The following GIGYF1 variants were observed in gnomAD, a reference collection of about 807,000 sequenced individuals.
GIGYF1 encodes GRB10-interacting GYF protein 1.
A neutral mutation model predicts 147.1 loss-of-function variants in GIGYF1; 84 were observed. The ratio of observed to expected loss-of-function variants is 0.57; its 90% CI spans 0.48 to 0.68. GIGYF1 has a LOEUF of 0.68. Ranked by LOEUF, GIGYF1 falls within the 30% of genes least tolerant of loss-of-function variation. The pLI is 0.00. For synonymous variants in GIGYF1, 752 were observed against 589.5 expected, an observed-to-expected ratio of 1.28 and a Z score of -3.99; for missense variants, 1,485 against 1,393.7, an observed-to-expected ratio of 1.07 and a Z score of -1.04.
chr7:100,690,937 G>A (rs1334702593), intron 1 of GIGYF1, among the ~76,000 whole-genome samples: 2 of 152,088 alleles, frequency 1.3e-5, no homozygotes, highest in Non-Finnish European at 1.5e-5. Flanking sequence ...GGTTCATGCA[G>A]ACTGAGGACA....
rs1304797025 is a variant in GIGYF1 at position 100,684,258 on chromosome 7, T to C, written c.1709A>G (p.Gln570Arg). ...AALYQQLQHQ[Q>R]FLQLVSSRQL... Reference sequence around the variant, plus strand: ...ATACCTGCTGACCAGCTGGAGAAACTGCTGGTGCTGCAGCTGCTGGTACAA... The same window carrying C: ...ATACCTGCTGACCAGCTGGAGAAACCGCTGGTGCTGCAGCTGCTGGTACAA... Residue 570 changes from glutamine to arginine, a missense_variant, in exon 17 of 27, where the codon CAG becomes CGG. Transcript: ENST00000678049. 1 of 1,580,094 alleles carries C rather than the reference T, an allele frequency of 6.3e-7. No individual in the cohort carries two copies. The highest frequency in any genetic ancestry group is 8.6e-7 in the Non-Finnish European group (1 of 1,160,526).
chr7:100,692,990 C>T (rs570528336), intron 1 of GIGYF1, among the ~76,000 whole-genome samples: 2 of 152,310 alleles, frequency 1.3e-5, no homozygotes, highest in South Asian at 2.1e-4. Context: ...ATGGTGTTTC[C>T]ATGCCAAAGG....
At position 100,688,582 on chromosome 7, in the gene GIGYF1, C is replaced by T. The variant is rs1388867869; in HGVS notation, c.-135+10G>A. 1.5e-5 allele frequency: 8 copies of T among 550,546 alleles called. No homozygotes were observed. Among genetic ancestry groups the T allele is most frequent in the South Asian group, 7.7e-5 (5 of 65,004 alleles). 34.1% of individuals were successfully genotyped at this position (550,546 alleles called of 1,614,324 possible). Reference sequence around the variant, plus strand: ...CTCAGCAGGGCAACCACCCTTGGCCCGGGGCTCACCTGGCAGCCTGGCCCG... The same window carrying T: ...CTCAGCAGGGCAACCACCCTTGGCCTGGGGCTCACCTGGCAGCCTGGCCCG... On this transcript the variant is annotated intron_variant, in intron 2 of 26. Coordinates refer to ENST00000678049, the MANE Select transcript of GIGYF1 (RefSeq NM_001375765.1).
intron 5 of GIGYF1, 37 bp downstream of exon 5, chr7:100,687,944 G>T (rs771024277): frequency 6.2e-7 from 1 of 1,610,234 alleles, no homozygotes; most frequent in South Asian, 1.1e-5. Context: ...CACAGGCAGA[G>T]GCCACCACCG....
intron 21 of GIGYF1, 26 bp from the exon 22 acceptor site, chr7:100,683,256 C>T (rs1434604625): frequency 1.9e-6 from 3 of 1,613,182 alleles, no homozygotes; most frequent in Admixed American, 3.3e-5. Context: ...GGTGAGGGGA[C>T]CTGGCGAGGG....
At position 100,679,732 on chromosome 7, in the gene GIGYF1, T is replaced by G. The variant is rs111333983; in HGVS notation, c.*1987A>C. ...AGGACAGCAACAGGGTCTGAGTCCC[T>G]GGGCAGGGGGGCTCAGGGGCTTGTA... On this transcript the variant is annotated 3_prime_UTR_variant, in exon 27 of 27. Transcript: ENST00000678049. 1 of 152,366 alleles carries G rather than the reference T, an allele frequency of 6.6e-6. No individual in the cohort carries two copies. The highest frequency in any genetic ancestry group is 2.1e-4 in the South Asian group (1 of 4,812). 9.4% of individuals were successfully genotyped at this position (152,366 alleles called of 1,614,324 possible).
At position 100,683,073 on chromosome 7, in the gene GIGYF1, T is replaced by G; in HGVS notation, c.2351A>C (p.Gln784Pro). ...CCGAGGTGGGGGCTGTTTGTGCAGCTGCCGCTCGCCCTCCAGCTGCAACTC... is the reference window on the plus strand; with the variant it reads ...CCGAGGTGGGGGCTGTTTGTGCAGCGGCCGCTCGCCCTCCAGCTGCAACTC... ...LLELQLEGERQLHKQPPPREP... is the reference protein window; with the variant it reads ...LLELQLEGERPLHKQPPPREP... Residue 784 changes from glutamine to proline, a missense_variant, in exon 22 of 27, where the codon CAG becomes CCG. Transcript: ENST00000678049. The G allele has an allele frequency of 6.3e-7, 1 of 1,580,710 alleles. No individual in the cohort carries two copies. Among genetic ancestry groups the G allele is most frequent in the Non-Finnish European group, 8.6e-7 (1 of 1,169,578 alleles).
Position 100,683,359 on chromosome 7 carries a change from T to A in GIGYF1, c.2138A>T (p.Gln713Leu). ...CTGCCGCCGCTTCTGCTCCTCCTGC[T>A]GCTGCTGGCGGCGCTTCTCCTCTCG... ...KRREEKRRQQQQEEQKRRQEE... is the reference protein window; with the variant it reads ...KRREEKRRQQLQEEQKRRQEE... The change falls in exon 21 of 27, where the codon CAG (glutamine) becomes CTG (leucine). Residue 713 changes from glutamine to leucine, a missense_variant. Physicochemically the swap from Gln to Leu is moderately radical, Grantham distance 113. Coordinates refer to ENST00000678049, the MANE Select transcript of GIGYF1 (RefSeq NM_001375765.1). 1 of 1,613,800 alleles carries A rather than the reference T, an allele frequency of 6.2e-7. No homozygotes were observed. The highest frequency in any genetic ancestry group is 8.5e-7 in the Non-Finnish European group (1 of 1,180,026).
intron 1 of GIGYF1, among the ~76,000 whole-genome samples, chr7:100,690,159 A>G (rs960307641): frequency 1.3e-5 from 2 of 152,230 alleles, no homozygotes; most frequent in Admixed American, 1.3e-4. Context: ...TTTTTTAAAA[A>G]AGCTTTAGGG....
At chr7:100,687,206 T>G in intron 8 of GIGYF1, 92 bp downstream of exon 8, 1 of 1,459,824 alleles carries the variant, frequency 6.9e-7, no homozygotes, top group Non-Finnish European at 9.6e-7. Context: ...ACAGGGCTTA[T>G]CTGGTGGGCC....
chr7:100,688,074 G>T lies in GIGYF1; in HGVS notation c.72C>A (p.Ser24=). 6.2e-7 allele frequency: 1 copy of T among 1,611,786 alleles called. No homozygotes were observed. The change falls in exon 5 of 27, where the codon TCC becomes TCA. Residue 24 remains serine, a synonymous_variant. Transcript: ENST00000678049. ...TGGGCATGGCAGGGGACGGGGGTGG[G>T]GAGGCCACGCTGCCGCCCCCGGACA... ...RALSGGGSVA[S]PPPSPAMPKY... is the part of the protein sequence containing the mutation.
rs376791632 is a variant in GIGYF1, at chr7:100,686,948, G to C, written c.523+58C>G. The C allele has an allele frequency of 6.3e-5, 101 of 1,607,220 alleles. No individual in the cohort carries two copies. The East Asian group carries it at 1.5e-3, about 24-fold the overall frequency. On this transcript the variant is annotated intron_variant, in intron 9 of 26. Transcript: ENST00000678049. ...CCTCCGAAATAAGCACCCCCAGACT[G>C]GGCCACCCATCTTGGTCCTCCCTGC...
chr7:100,682,270 G>A (rs1804853282), intron 24 of GIGYF1, 35 bp from the exon 25 acceptor site: 3 of 1,607,840 alleles, frequency 1.9e-6, no homozygotes, highest in South Asian at 2.2e-5. Flanking sequence ...GGGCCCCCTG[G>A]CCGGGTCTGG....
At position 100,688,463 on chromosome 7, in the gene GIGYF1, C is replaced by T. The variant is rs542644406; in HGVS notation, c.-82G>A. The stretch of plus-strand genomic sequence containing the variant: ...TAAAAGGACTCACCTGAGCCAGCCA[C>T]GTGGCCACTCACACCATGAGTTACC... On this transcript the variant is annotated 5_prime_UTR_variant, in exon 3 of 27. The change creates a new upstream start codon in the 5' untranslated region. Coordinates refer to ENST00000678049, the MANE Select transcript of GIGYF1 (RefSeq NM_001375765.1). 1.4e-6 allele frequency: 1 copy of T among 695,698 alleles called. No individual in the cohort carries two copies. Among genetic ancestry groups the T allele is most frequent in the Non-Finnish European group, 2.6e-6 (1 of 381,102 alleles). The allele number at this position is 695,698 out of a possible 1,614,324, so 43.1% of individuals were successfully genotyped here.
In GIGYF1 at chr7:100,686,807, A is replaced by C. The variant is rs1184463017; in HGVS notation, c.536T>G (p.Phe179Cys). The change falls in exon 10 of 27, where the codon TTT (phenylalanine) becomes TGT (cysteine). Residue 179 changes from phenylalanine (F) to cysteine (C), a missense_variant. Coordinates refer to ENST00000678049, the MANE Select transcript of GIGYF1 (RefSeq NM_001375765.1). ...CCTTGGGCCAGCCCCTCCCTCCTCA[A>C]AGCCACATCGTGCTGGGAGACGGGA... The part of the protein sequence containing the change: ...SARRDGARCG[F>C]EEGGAGPRKE... The C allele has an allele frequency of 1.2e-6, 2 of 1,613,782 alleles. No individual in the cohort carries two copies. Among genetic ancestry groups the C allele is most frequent in the Non-Finnish European group, 1.7e-6 (2 of 1,179,908 alleles).
intron 8 of GIGYF1, 106 bp from the exon 9 acceptor site, chr7:100,687,152 AAGGGGACAAACGAAACC>A: frequency 1.3e-6 from 2 of 1,529,718 alleles, no homozygotes; most frequent in Non-Finnish European, 1.8e-6. Flanking sequence ...TGGAGGGAGG[AAGGGGACAAACGAAACC>A]AGGGGTCAGG....
chr7:100,682,518 C>T, intron 23 of GIGYF1, 36 bp from the exon 24 acceptor site: 1 of 1,604,276 alleles, frequency 6.2e-7, no homozygotes, highest in Non-Finnish European at 8.5e-7. Flanking sequence ...TGGAAATCAG[C>T]TGGCAGGGGT....
intron 12 of GIGYF1, among the ~76,000 whole-genome samples, chr7:100,685,697 C>T (rs550441730): frequency 9.2e-5 from 14 of 152,260 alleles, no homozygotes; most frequent in African/African-American, 3.4e-4. Flanking sequence ...CACAACATCG[C>T]ACAACACCAC....
chr7:100,692,087 T>C (rs1805873919), intron 1 of GIGYF1, among the ~76,000 whole-genome samples: 1 of 152,170 alleles, frequency 6.6e-6, no homozygotes, highest in Admixed American at 6.5e-5. Flanking sequence ...CCCCAATTCC[T>C]CAACACTGGA....
Sources: gnomAD v4.1 joint callset for allele counts (sites outside exome capture counted in the v4.1 genomes callset) on GRCh38, gnomAD v4.1.1 for gene constraint, MANE v1.5 for transcripts, NCBI Gene and HGNC (gene_info 2026-07-23, HGNC 2026-07-21) for gene names.